Variants in MTUS2 observed in about 807,000 individuals in gnomAD.
The protein encoded by MTUS2 is microtubule associated scaffold protein 2.
Under a neutral mutation model 114.1 loss-of-function variants are expected in MTUS2, and 40 were observed. The ratio of observed to expected loss-of-function variants is 0.35; its 90% CI spans 0.27 to 0.46. The LOEUF is 0.46. MTUS2 is among the 20% of genes least tolerant of loss of function. MTUS2 has a pLI of 1.00. For synonymous variants in MTUS2, 688 were observed against 672.0 expected (o/e 1.02, Z -0.37); for missense variants, 1,679 against 1,705.4 (o/e 0.98, Z 0.27).
At chr13:29,300,778 A>T (rs1899167204) in intron 6 of MTUS2, among the ~76,000 whole-genome samples, 1 of 152,142 alleles carries the variant, frequency 6.6e-6, no homozygotes, top group Admixed American at 6.5e-5. Context: ...AATGAATGCA[A>T]CCTAATTCAT....
chr13:29,310,310 T>C (rs763672352), intron 6 of MTUS2, among the ~76,000 whole-genome samples: 1 of 152,224 alleles, frequency 6.6e-6, no homozygotes, highest in Non-Finnish European at 1.5e-5. Context: ...TCTGGGCCCT[T>C]AATCATATGC....
rs184333104 is a variant in MTUS2, at chr13:29,338,365, T to C, written c.2905+13654T>C. ...ACTTTGGGAGGCCCAGGCAGATGGA[T>C]TGCCTGAGCTCAGGAATTGAAGACC... On this transcript the variant is annotated intron_variant, in intron 7 of 15. Transcript: ENST00000612955. Among the ~76,000 whole-genome samples, 530 of 152,204 alleles carry C rather than the reference T, an allele frequency of 3.5e-3. 1 individual carries two copies. Among genetic ancestry groups the C allele is most frequent in the Middle Eastern group, 6.8e-3 (2 of 294 alleles).
At chr13:28,849,590 T>C (rs1236943414) in intron 2 of MTUS2, among the ~76,000 whole-genome samples, 2 of 152,142 alleles carry the variant, frequency 1.3e-5, no homozygotes, top group African/African-American at 4.8e-5. Flanking sequence ...CAGACAGATA[T>C]AACTACAGCC....
rs992490495 is a variant in MTUS2 at position 28,826,719 on chromosome 13, A to C, written c.-316+6108A>C. Among the ~76,000 whole-genome samples, 7 of 152,252 alleles carry C rather than the reference A, an allele frequency of 4.6e-5. 1 individual carries two copies. On this transcript the variant is annotated intron_variant, in intron 1 of 15. Coordinates refer to ENST00000612955, the MANE Select transcript of MTUS2 (RefSeq NM_001033602.4). ...AAGGCAAATACATTTGTCCAGAAAC[A>C]GGCTGATATTGATACACTGATTTTA...
chr13:28,949,606 C>G (rs1814092553), intron 2 of MTUS2, among the ~76,000 whole-genome samples: 1 of 152,054 alleles, frequency 6.6e-6, no homozygotes, highest in Non-Finnish European at 1.5e-5. Flanking sequence ...TATCCATAAA[C>G]AACAACTCCC....
At chr13:29,272,293 G>T (rs1334347587) in intron 5 of MTUS2, among the ~76,000 whole-genome samples, 1 of 151,964 alleles carries the variant, frequency 6.6e-6, no homozygotes, top group Non-Finnish European at 1.5e-5. Flanking sequence ...CAATTTGATT[G>T]CCTAGGATTG....
intron 7 of MTUS2, among the ~76,000 whole-genome samples, chr13:29,353,001 G>T (rs1196624132): frequency 6.6e-6 from 1 of 152,106 alleles, no homozygotes; most frequent in African/African-American, 2.4e-5. Flanking sequence ...TACAATAACT[G>T]TTTAACTGTC....
intron 2 of MTUS2, among the ~76,000 whole-genome samples, chr13:28,894,285 G>C (rs7491852): frequency 0.14 from 4,561 of 33,094 alleles, 543 homozygotes; most frequent in East Asian, 0.55. Flanking sequence ...TTGGTGGGGG[G>C]GGGGGAGAGA....
chr13:28,954,244 A>G (rs573016294), intron 2 of MTUS2, among the ~76,000 whole-genome samples: 1 of 152,290 alleles, frequency 6.6e-6, no homozygotes, highest in East Asian at 1.9e-4. Context: ...AGAATTTCTC[A>G]GTGGCGGCTC....
chr13:29,325,413 G>A (rs1401832274), intron 7 of MTUS2, among the ~76,000 whole-genome samples: 3 of 142,100 alleles, frequency 2.1e-5, no homozygotes, highest in Non-Finnish European at 3.0e-5. Flanking sequence ...CCGAGATCAC[G>A]CCACCACACT....
intron 9 of MTUS2, among the ~76,000 whole-genome samples, chr13:29,442,226 G>A (rs1033139288): frequency 5.3e-5 from 8 of 152,080 alleles, no homozygotes; most frequent in Admixed American, 3.3e-4. Context: ...AATTCACAGC[G>A]ACCACAGTGT....
intron 1 of MTUS2, among the ~76,000 whole-genome samples, chr13:28,831,582 T>C (rs946791682): frequency 6.6e-6 from 1 of 152,162 alleles, no homozygotes. Flanking sequence ...AAGGGATCAA[T>C]TTCTCAGGAA....
chr13:28,940,495 A>T (rs1302066726), intron 2 of MTUS2, among the ~76,000 whole-genome samples: 1 of 152,134 alleles, frequency 6.6e-6, no homozygotes, highest in Non-Finnish European at 1.5e-5. Context: ...AGTGGGTTGG[A>T]GGTTACCCTG....
intron 2 of MTUS2, among the ~76,000 whole-genome samples, chr13:29,011,053 A>T (rs1274492189): frequency 6.6e-6 from 1 of 152,212 alleles, no homozygotes; most frequent in African/African-American, 2.4e-5. Flanking sequence ...ATGTAAGAGG[A>T]TGTGACTGAA....
intron 8 of MTUS2, among the ~76,000 whole-genome samples, chr13:29,431,711 TC>T (rs1192546647): frequency 6.6e-6 from 1 of 152,124 alleles, no homozygotes; most frequent in African/African-American, 2.4e-5. Flanking sequence ...TAAGGAAAGG[TC>T]TTTTAGCCTC....
At chr13:28,976,068 G>A (rs998864399) in intron 2 of MTUS2, among the ~76,000 whole-genome samples, 1 of 151,976 alleles carries the variant, frequency 6.6e-6, no homozygotes, top group African/African-American at 2.4e-5. Flanking sequence ...GGCAGGTGCG[G>A]TGGTGCACAT....
chr13:29,097,158 T>A (rs1040927597), intron 4 of MTUS2, among the ~76,000 whole-genome samples: 3 of 152,156 alleles, frequency 2.0e-5, no homozygotes, highest in Admixed American at 6.5e-5. Flanking sequence ...TTTCATATAT[T>A]GTGATGATAG....
chr13:28,934,727 T>C (rs563454921), intron 2 of MTUS2, among the ~76,000 whole-genome samples: 1 of 152,332 alleles, frequency 6.6e-6, no homozygotes, highest in African/African-American at 2.4e-5. Context: ...TTCTCCATGT[T>C]GGTCAGGCTG....
intron 8 of MTUS2, among the ~76,000 whole-genome samples, chr13:29,379,334 T>A (rs1872017247): frequency 6.6e-6 from 1 of 152,058 alleles, no homozygotes; most frequent in Non-Finnish European, 1.5e-5. Flanking sequence ...TCAGAGGGGA[T>A]GGAGAGCTAT....
Sources: allele counts gnomAD v4.1 joint callset (sites outside exome capture counted in the v4.1 genomes callset), GRCh38; gene constraint gnomAD v4.1.1; transcripts MANE v1.5; gene names NCBI Gene and HGNC (gene_info 2026-07-23, HGNC 2026-07-21).